The following VIPR1 variants were observed in gnomAD, a reference collection of about 807,000 sequenced individuals.
The protein encoded by VIPR1 is vasoactive intestinal polypeptide receptor 1.
In VIPR1, 59 loss-of-function variants were observed where a neutral mutation model predicts 58.8. That is an observed-to-expected ratio of 1.00 (90% CI 0.81 to 1.25). The LOEUF (loss-of-function observed/expected upper bound fraction) is 1.25, where lower values mean the gene tolerates loss of function less well. Among genes scored for constraint, VIPR1 ranks in the 50% most tolerant of loss-of-function variants. The pLI is 0.00. For synonymous variants in VIPR1, 251 were observed against 242.1 expected (o/e 1.04, Z -0.34); for missense variants, 626 against 602.7 (o/e 1.04, Z -0.40).
rs1025682878 is a variant in VIPR1 at position 42,531,407 on chromosome 3, C to A, written c.791-64C>A. The A allele has an allele frequency of 2.6e-6, 4 of 1,520,858 alleles. No homozygotes were observed. In the African/African-American group the frequency reaches 5.5e-5, roughly 21 times the overall value. 94.2% of individuals were successfully genotyped at this position (1,520,858 alleles called of 1,614,324 possible). Reference sequence around the variant, plus strand: ...CCCTGCTTTTCTCCAAAATCTCTCCCTCATGCCCTCTACCCCTGCTTCCTG... The same window carrying A: ...CCCTGCTTTTCTCCAAAATCTCTCCATCATGCCCTCTACCCCTGCTTCCTG... On this transcript the variant is annotated intron_variant, in intron 7 of 12. Transcript: ENST00000325123.
chr3:42,525,457 G>A (rs1701181649), intron 3 of VIPR1, among the ~76,000 whole-genome samples: 1 of 151,270 alleles, frequency 6.6e-6, no homozygotes, highest in South Asian at 2.1e-4. Context: ...AGCCCCACAG[G>A]CCCAGGCAGG....
rs1168853971 is a variant in VIPR1 at position 42,534,966 on chromosome 3, T to C, written c.1011-9T>C. The C allele has an allele frequency of 1.2e-6, 2 of 1,614,086 alleles. No homozygotes were observed. The highest frequency in any genetic ancestry group is 2.2e-5 in the East Asian group (1 of 44,886). ...ACATACCCATGGCCTGTCCCTCCCC[T>C]GTCTCCAGAAGGCTAGCCAGGTCCA... is the stretch of plus-strand genomic sequence containing the variant. On this transcript the variant is annotated splice_polypyrimidine_tract_variant and intron_variant, in intron 10 of 12. Transcript: ENST00000325123.
At chr3:42,514,798 G>A (rs550719683) in intron 2 of VIPR1, among the ~76,000 whole-genome samples, 80 of 152,288 alleles carry the variant, frequency 5.3e-4, no homozygotes, top group Admixed American at 3.0e-3. Context: ...CAGCTACCAA[G>A]ACTGGACAGC....
chr3:42,522,101 ATTTTTTTTTTTTTTT>A (rs1158302778), intron 3 of VIPR1, among the ~76,000 whole-genome samples: 23 of 35,368 alleles, frequency 6.5e-4, no homozygotes, highest in African/African-American at 1.9e-3. Context: ...ATATATATAT[ATTTTTTTTTTTTTTT>A]TTTTTTTTTT....
intron 1 of VIPR1, among the ~76,000 whole-genome samples, chr3:42,492,907 G>A (rs1359661254): frequency 6.6e-6 from 1 of 152,204 alleles, no homozygotes; most frequent in African/African-American, 2.4e-5. Flanking sequence ...CCCTGAACTT[G>A]CCAGGACCAT....
intron 12 of VIPR1, 139 bp from the exon 13 acceptor site, chr3:42,535,951 A>T: frequency 9.2e-7 from 1 of 1,087,750 alleles, no homozygotes; most frequent in Non-Finnish European, 1.3e-6. Context: ...GCACCGCCCG[A>T]GGCAGCATAG....
At chr3:42,526,085 C>A in intron 4 of VIPR1, 92 bp downstream of exon 4, 3 of 1,255,892 alleles carry the variant, frequency 2.4e-6, no homozygotes, top group South Asian at 1.4e-5. Context: ...TGGTTGCTGT[C>A]TGTGTGGGAA....
Position 42,502,720 on chromosome 3 carries a change from G to A in VIPR1, c.-16G>A. The A allele has an allele frequency of 1.5e-6, 2 of 1,290,498 alleles. 1 individual carries two copies. The highest frequency in any genetic ancestry group is 5.0e-5 in the South Asian group (2 of 40,218). The allele number at this position is 1,290,498 out of a possible 1,614,324, so 79.9% of individuals were successfully genotyped here. A position where few individuals can be genotyped will look rare whatever the true frequency, so the allele number is the denominator to read the frequency against. On this transcript the variant is annotated 5_prime_UTR_variant, in exon 1 of 13. Coordinates refer to ENST00000325123, the MANE Select transcript of VIPR1 (RefSeq NM_004624.4). ...TTGCCCGCGCGGGGCCGCCCGCCGC[G>A]GGCTCAGGGCAGACCATGCGCCCGC...
At chr3:42,536,050 G>A in intron 12 of VIPR1, 40 bp from the exon 13 acceptor site, 2 of 1,541,234 alleles carry the variant, frequency 1.3e-6, no homozygotes, top group Non-Finnish European at 1.8e-6. Context: ...AGTGGAAGAG[G>A]CTCCACAGCA....
At chr3:42,513,467 T>G in intron 1 of VIPR1, 1 of 376,756 alleles carries the variant, frequency 2.7e-6, no homozygotes. Context: ...CTTGCCGCCA[T>G]CTGGAGTTGT....
At chr3:42,500,774 G>A (rs1219690681), upstream of VIPR1, among the ~76,000 whole-genome samples, 1 of 152,164 alleles carries the variant, frequency 6.6e-6, no homozygotes, top group African/African-American at 2.4e-5. Flanking sequence ...AGATGGCTGA[G>A]GATGATTCAA....
At chr3:42,517,603 G>A (rs896288035) in intron 2 of VIPR1, among the ~76,000 whole-genome samples, 7 of 152,196 alleles carry the variant, frequency 4.6e-5, no homozygotes, top group Non-Finnish European at 5.9e-5. Flanking sequence ...CAGGGTTTTC[G>A]CTGCACTTGT....
At position 42,495,328 on chromosome 3, in the gene VIPR1, A is replaced by G. The variant is rs148743190; in HGVS notation, c.-245+5650A>G. Reference sequence around the variant, plus strand: ...AGTAGAGACGGGGTTTCACCATGTTAGCCAGGATGGTTTCCATCTCCTGAC... The same window carrying G: ...AGTAGAGACGGGGTTTCACCATGTTGGCCAGGATGGTTTCCATCTCCTGAC... On this transcript the variant is annotated intron_variant, in intron 1 of 13. Transcript: ENST00000433647. 2.5e-3 allele frequency among the ~76,000 whole-genome samples: 388 copies of G among 152,210 alleles called. 1 individual carries two copies. Among genetic ancestry groups the G allele is most frequent in the Middle Eastern group, 0.02 (6 of 294 alleles).
rs1251900733 is a variant in VIPR1, at chr3:42,513,766, G to C, written c.96G>C (p.Arg32Ser). 1 of 1,551,520 alleles carries C rather than the reference G, an allele frequency of 6.4e-7. No homozygotes were observed. The highest frequency in any genetic ancestry group is 2.4e-5 in the East Asian group (1 of 40,908). Reference protein sequence around the residue: ...ALGPAGGQAARLQEECDYVQM... With the variant: ...ALGPAGGQAASLQEECDYVQM... ...GTTCTCAGGGCGGCCAGGCGGCCAG[G>C]CTGCAGGAGGAGTGTGACTATGTGC... The change falls in exon 2 of 13, where the codon AGG becomes AGC. Residue 32 changes from arginine to serine, a missense_variant. Coordinates refer to ENST00000325123, the MANE Select transcript of VIPR1 (RefSeq NM_004624.4).
At chr3:42,505,439 G>A (rs1700077460) in intron 1 of VIPR1, among the ~76,000 whole-genome samples, 1 of 152,088 alleles carries the variant, frequency 6.6e-6, no homozygotes, top group Non-Finnish European at 1.5e-5. Context: ...CCGGCATCCT[G>A]CTGCCCCTGC....
rs1196793082 is a variant in VIPR1 at position 42,514,566 on chromosome 3, CACACACAT to C, written c.184+720_184+727del. ...CCACACACACACACACACACACACACACACACATACACACACGCCCAGCCCCTAAGCAT... is the reference window on the plus strand; with the variant it reads ...CCACACACACACACACACACACACACACACACACGCCCAGCCCCTAAGCAT... On this transcript the variant is annotated intron_variant, in intron 2 of 12. Coordinates refer to ENST00000325123, the MANE Select transcript of VIPR1 (RefSeq NM_004624.4). 6.0e-3 allele frequency among the ~76,000 whole-genome samples: 906 copies of C among 151,924 alleles called. 11 individuals carry two copies. The highest frequency in any genetic ancestry group is 0.021 in the African/African-American group (854 of 41,354).
Position 42,532,265 on chromosome 3 carries a change from C to T in VIPR1, c.942C>T (p.Cys314=), listed in dbSNP as rs1701605932. The T allele has an allele frequency of 6.2e-7, 1 of 1,614,178 alleles. No homozygotes were observed. The highest frequency in any genetic ancestry group is 1.7e-5 in the Admixed American group (1 of 60,020). The part of the protein sequence containing the change: ...SILVNFILFI[C]IIRILLQKLR... Reference sequence around the variant, plus strand: ...AGGTAAACTTCATCCTGTTTATTTGCATCATCCGAATCCTGCTTCAGAAAC... The same window carrying T: ...AGGTAAACTTCATCCTGTTTATTTGTATCATCCGAATCCTGCTTCAGAAAC... Residue 314 remains cysteine, a synonymous_variant, in exon 10 of 13, where the codon TGC becomes TGT. Transcript: ENST00000325123.
At chr3:42,522,099 ATATTTTTTTTTTTTTTTT>A (rs1410296689) in intron 3 of VIPR1, among the ~76,000 whole-genome samples, 10 of 55,582 alleles carry the variant, frequency 1.8e-4, no homozygotes, top group African/African-American at 4.9e-4. Context: ...ATATATATAT[ATATTTTTTTTTTTTTTTT>A]TTTTTTTTTT....
rs1218689846 is a variant in VIPR1, at chr3:42,502,753, G to T, written c.18G>T (p.Pro6=). Residue 6 remains proline (P), a synonymous_variant, in exon 1 of 13, where the codon CCG becomes CCT. Coordinates refer to ENST00000325123, the MANE Select transcript of VIPR1 (RefSeq NM_004624.4). MRPPS[P]LPARWLCVLA... The stretch of plus-strand genomic sequence containing the variant: ...GGCAGACCATGCGCCCGCCAAGTCC[G>T]CTGCCCGCCCGCTGGCTATGCGTGC... 7 of 1,307,856 alleles carry T rather than the reference G, an allele frequency of 5.4e-6. No homozygotes were observed. Among genetic ancestry groups the T allele is most frequent in the Non-Finnish European group, 3.9e-6 (4 of 1,031,274 alleles). The allele number at this position is 1,307,856 out of a possible 1,614,324, so 81.0% of individuals were successfully genotyped here.
Sources: gnomAD v4.1 joint callset for allele counts (sites outside exome capture counted in the v4.1 genomes callset) on GRCh38, gnomAD v4.1.1 for gene constraint, MANE v1.5 for transcripts, NCBI Gene and HGNC (gene_info 2026-07-23, HGNC 2026-07-21) for gene names.